Variants in RAD17 observed in about 807,000 individuals in gnomAD.
The protein encoded by RAD17 is cell cycle checkpoint protein RAD17.
In RAD17, 31 loss-of-function variants were observed where a neutral mutation model predicts 81.5. The observed-to-expected ratio is 0.38, with a 90% CI of 0.29 to 0.51. RAD17 has a LOEUF of 0.51. Among genes scored for constraint, RAD17 ranks in the 20% least tolerant of loss-of-function variants. The probability of loss-of-function intolerance (pLI) is 0.88; values close to 1 mark genes in which losing one functional copy is unlikely to be tolerated. For synonymous variants in RAD17, 261 were observed against 266.2 expected (o/e 0.98, Z 0.19); for missense variants, 681 against 781.2 (o/e 0.87, Z 1.53).
chr5:69,396,082 GA>G (rs1180089561), intron 15 of RAD17, among the ~76,000 whole-genome samples: 6 of 152,136 alleles, frequency 3.9e-5, no homozygotes, highest in Non-Finnish European at 8.8e-5. Context: ...TAACTTTCCA[GA>G]GAAACTTCAC....
Position 69,399,048 on chromosome 5 carries a change from G to A in RAD17, c.1573-1001G>A, listed in dbSNP as rs538216896. ...ATAAAAAAATTAGCTGGGTGTGGTG[G>A]CAAACACCAGGAATTTGAGACCAGC... On this transcript the variant is annotated intron_variant, in intron 16 of 18. Coordinates refer to ENST00000354868, the MANE Select transcript of RAD17 (RefSeq NM_133338.3). Among the ~76,000 whole-genome samples the A allele has an allele frequency of 7.9e-5, 12 of 152,004 alleles. No individual in the cohort carries two copies. The East Asian group carries it at 2.3e-3, about 29-fold the overall frequency.
At chr5:69,371,911 T>C (rs1763032166) in intron 3 of RAD17, 123 bp from the exon 4 acceptor site, 2 of 442,390 alleles carry the variant, frequency 4.5e-6, no homozygotes, top group South Asian at 7.1e-5. Context: ...GGGGTTAAGG[T>C]GGGATGGGGG....
chr5:69,410,394 C>A, intron 17 of RAD17, 99 bp from the exon 18 acceptor site: 1 of 888,000 alleles, frequency 1.1e-6, no homozygotes, highest in Non-Finnish European at 1.8e-6. Flanking sequence ...TTGCATTTCT[C>A]TAAAGATTAG....
Position 69,398,915 on chromosome 5 carries a change from G to A in RAD17, c.1573-1134G>A, listed in dbSNP as rs567028151. Reference sequence around the variant, plus strand: ...AGGCCAGGTGCAGTGGCTCACACCTGTAATCCGAGCACTTTGGAAAGCTGA... The same window carrying A: ...AGGCCAGGTGCAGTGGCTCACACCTATAATCCGAGCACTTTGGAAAGCTGA... On this transcript the variant is annotated intron_variant, in intron 16 of 18. Coordinates refer to ENST00000354868, the MANE Select transcript of RAD17 (RefSeq NM_133338.3). Among the ~76,000 whole-genome samples the A allele has an allele frequency of 5.7e-5, 8 of 141,208 alleles. No homozygotes were observed. In the South Asian group the frequency reaches 1.8e-3, roughly 32 times the overall value. 92.6% of individuals were successfully genotyped at this position (141,208 alleles called of 152,430 possible).
At chr5:69,399,194 G>A (rs1191353088) in intron 16 of RAD17, among the ~76,000 whole-genome samples, 3 of 152,084 alleles carry the variant, frequency 2.0e-5, no homozygotes, top group Admixed American at 6.5e-5. Context: ...GGCAGAGTTT[G>A]CAGTGAACAA....
chr5:69,413,034 T>C (rs1006745281), intron 18 of RAD17, among the ~76,000 whole-genome samples: 1 of 152,216 alleles, frequency 6.6e-6, no homozygotes, highest in Admixed American at 6.5e-5. Flanking sequence ...ATTTTCATTT[T>C]TAAAATTACA....
At chr5:69,407,571 T>TTTTG (rs1765693927) in intron 17 of RAD17, among the ~76,000 whole-genome samples, 1 of 123,586 alleles carries the variant, frequency 8.1e-6, no homozygotes, top group Non-Finnish European at 1.7e-5. Context: ...AGTTTTTTTT[T>TTTTG]TTTTTTTTTT....
At chr5:69,383,179 G>T (rs544599816) in intron 7 of RAD17, among the ~76,000 whole-genome samples, 1 of 152,034 alleles carries the variant, frequency 6.6e-6, no homozygotes, top group Non-Finnish European at 1.5e-5. Flanking sequence ...TTTTCATATT[G>T]CAACTCCAGG....
chr5:69,413,442 A>G (rs1489398721), intron 18 of RAD17, among the ~76,000 whole-genome samples: 2 of 152,218 alleles, frequency 1.3e-5, no homozygotes, highest in Non-Finnish European at 2.9e-5. Flanking sequence ...GTCTCAATGA[A>G]AAAAAAGAAA....
chr5:69,403,621 T>C (rs148922386), intron 17 of RAD17, among the ~76,000 whole-genome samples: 1 of 152,292 alleles, frequency 6.6e-6, no homozygotes, highest in East Asian at 1.9e-4. Flanking sequence ...AGGTCAACTC[T>C]ATCTTTAAAA....
intron 10 of RAD17, 29 bp from the exon 11 acceptor site, chr5:69,386,367 T>G (rs1257738546): frequency 6.3e-7 from 1 of 1,581,780 alleles, no homozygotes; most frequent in Non-Finnish European, 8.6e-7. Flanking sequence ...ATTAATCATT[T>G]AACTGCTATC....
chr5:69,407,213 G>A (rs536114406), intron 17 of RAD17, among the ~76,000 whole-genome samples: 6 of 152,194 alleles, frequency 3.9e-5, no homozygotes, highest in Middle Eastern at 3.4e-3. Flanking sequence ...ATGTTGGCCA[G>A]TCTGGTCTCA....
intron 6 of RAD17, among the ~76,000 whole-genome samples, chr5:69,379,212 G>A (rs1763695542): frequency 6.6e-6 from 1 of 151,974 alleles, no homozygotes; most frequent in Non-Finnish European, 1.5e-5. Context: ...CCCCAGCCTG[G>A]GCAACAGAAC....
intron 4 of RAD17, among the ~76,000 whole-genome samples, chr5:69,373,565 C>G (rs1011650253): frequency 6.6e-6 from 1 of 151,746 alleles, no homozygotes; most frequent in Non-Finnish European, 1.5e-5. Context: ...ATTAGTTGGG[C>G]ATGGTGGTGC....
chr5:69,411,121 T>TC (rs1765967830), intron 18 of RAD17, among the ~76,000 whole-genome samples: 4 of 151,606 alleles, frequency 2.6e-5, no homozygotes, highest in Admixed American at 2.6e-4. Flanking sequence ...TTTAAAGATT[T>TC]TAAAAATGGC....
chr5:69,395,819 T>C (rs1026408198), intron 15 of RAD17, among the ~76,000 whole-genome samples: 3 of 152,204 alleles, frequency 2.0e-5, no homozygotes, highest in African/African-American at 7.2e-5. Flanking sequence ...GGCTGAATAA[T>C]TGGAAAGTAT....
chr5:69,377,527 G>GCATATATA (rs1763473412), intron 6 of RAD17, among the ~76,000 whole-genome samples: 1 of 57,172 alleles, frequency 1.7e-5, no homozygotes, highest in Non-Finnish European at 3.5e-5. Context: ...GTATATATAT[G>GCATATATA]TGTATATATA....
chr5:69,413,353 C>T (rs1037053132), intron 18 of RAD17, among the ~76,000 whole-genome samples: 1 of 152,048 alleles, frequency 6.6e-6, no homozygotes, highest in African/African-American at 2.4e-5. Context: ...GCAGGAGAAT[C>T]GCTTGAACCT....
intron 17 of RAD17, among the ~76,000 whole-genome samples, chr5:69,403,312 C>T (rs1465470261): frequency 1.3e-5 from 2 of 152,144 alleles, no homozygotes; most frequent in Non-Finnish European, 2.9e-5. Context: ...AGGACAGTTA[C>T]TGTACGATCC....
Sources: gnomAD v4.1 joint callset for allele counts (sites outside exome capture counted in the v4.1 genomes callset) on GRCh38, gnomAD v4.1.1 for gene constraint, MANE v1.5 for transcripts, NCBI Gene and HGNC (gene_info 2026-07-23, HGNC 2026-07-21) for gene names.